The following CADM2 variants were observed in gnomAD, a reference collection of about 807,000 sequenced individuals.
CADM2 encodes cell adhesion molecule 2.
Under a neutral mutation model 49.8 loss-of-function variants are expected in CADM2, and 12 were observed. That is an observed-to-expected ratio of 0.24 (90% CI 0.15 to 0.39). The LOEUF is 0.39. Among genes scored for constraint, CADM2 ranks in the 10% least tolerant of loss-of-function variants. The pLI, the probability that CADM2 is intolerant of heterozygous loss-of-function variation, is 1.00. For missense variants in CADM2, 378 were observed against 492.3 expected (o/e 0.77, Z 2.20); for synonymous variants, 214 against 175.4 (o/e 1.22, Z -1.74).
chr3:85,152,929 A>G (rs2107649573), intron 1 of CADM2, among the ~76,000 whole-genome samples: 1 of 150,012 alleles, frequency 6.7e-6, no homozygotes, highest in Admixed American at 6.7e-5. Flanking sequence ...GCACCACTGC[A>G]CTCCAGCCTG....
chr3:84,983,941 A>G (rs1246011443), intron 1 of CADM2, among the ~76,000 whole-genome samples: 1 of 151,978 alleles, frequency 6.6e-6, no homozygotes, highest in African/African-American at 2.4e-5. Flanking sequence ...GGTGGACATT[A>G]TCAACTTCAA....
chr3:85,793,036 T>G (rs2071427217), intron 2 of CADM2, among the ~76,000 whole-genome samples: 1 of 151,928 alleles, frequency 6.6e-6, no homozygotes, highest in South Asian at 2.1e-4. Context: ...TCAACAGGAG[T>G]CAAGACTCAG....
intron 1 of CADM2, among the ~76,000 whole-genome samples, chr3:85,693,746 A>T (rs1340235517): frequency 4.2e-5 from 6 of 144,146 alleles, no homozygotes; most frequent in Admixed American, 6.9e-5. Context: ...AAAAAAAAAA[A>T]TTAGCCAGGT....
At chr3:85,924,379 C>T (rs1283927054) in intron 6 of CADM2, among the ~76,000 whole-genome samples, 2 of 151,934 alleles carry the variant, frequency 1.3e-5, no homozygotes, top group South Asian at 4.1e-4. Flanking sequence ...CACTTGAGCT[C>T]AGGAGTTTGA....
At chr3:85,929,086 T>A (rs1391765471) in intron 6 of CADM2, among the ~76,000 whole-genome samples, 1 of 152,116 alleles carries the variant, frequency 6.6e-6, no homozygotes, top group Non-Finnish European at 1.5e-5. Flanking sequence ...TCTAACCCCC[T>A]TTTAAACTAT....
At chr3:85,005,892 G>T (rs964250556) in intron 1 of CADM2, among the ~76,000 whole-genome samples, 13 of 152,078 alleles carry the variant, frequency 8.5e-5, no homozygotes, top group African/African-American at 2.9e-4. Context: ...ATTCAATTAT[G>T]ATTTTTCCAT....
intron 1 of CADM2, among the ~76,000 whole-genome samples, chr3:85,475,193 A>C (rs1343506952): frequency 6.6e-6 from 1 of 151,926 alleles, no homozygotes; most frequent in African/African-American, 2.4e-5. Context: ...TAATGTTGGA[A>C]TAGTGAGCAT....
At chr3:85,932,379 A>ACAT (rs1720712691) in intron 6 of CADM2, among the ~76,000 whole-genome samples, 1 of 152,206 alleles carries the variant, frequency 6.6e-6, no homozygotes, top group African/African-American at 2.4e-5. Context: ...TAGGTGTTGC[A>ACAT]CATAAATAAG....
At chr3:85,382,188 AC>A (rs2033945618) in intron 1 of CADM2, among the ~76,000 whole-genome samples, 1 of 152,188 alleles carries the variant, frequency 6.6e-6, no homozygotes, top group African/African-American at 2.4e-5. Flanking sequence ...AAGCAAAAAA[AC>A]ATAAACAGAA....
chr3:85,757,621 A>C (rs1216428522), intron 2 of CADM2, among the ~76,000 whole-genome samples: 1 of 152,190 alleles, frequency 6.6e-6, no homozygotes, highest in Non-Finnish European at 1.5e-5. Context: ...GTTGAGCCAG[A>C]TACTGAAGGG....
At chr3:85,370,350 A>G (rs905610779) in intron 1 of CADM2, among the ~76,000 whole-genome samples, 2 of 151,438 alleles carry the variant, frequency 1.3e-5, no homozygotes, top group African/African-American at 4.8e-5. Flanking sequence ...TGACCGCGGG[A>G]GGGGGAGGTG....
chr3:85,055,775 C>A (rs1194120108), intron 1 of CADM2, among the ~76,000 whole-genome samples: 1 of 151,928 alleles, frequency 6.6e-6, no homozygotes. Context: ...GAGTGAGACT[C>A]ATGGAGCACA....
chr3:85,756,375 T>G (rs2069122708), intron 2 of CADM2, among the ~76,000 whole-genome samples: 1 of 152,194 alleles, frequency 6.6e-6, no homozygotes. Flanking sequence ...TAATTCTGAT[T>G]ATTGAATCCA....
intron 1 of CADM2, among the ~76,000 whole-genome samples, chr3:85,586,664 T>C (rs2062954372): frequency 6.6e-6 from 1 of 152,148 alleles, no homozygotes; most frequent in Admixed American, 6.6e-5. Flanking sequence ...ATCTGTTAGG[T>C]TGGTGCAAAA....
Position 85,058,388 on chromosome 3 carries a change from A to G in CADM2, c.61+98720A>G, listed in dbSNP as rs528625053. On this transcript the variant is annotated intron_variant, in intron 1 of 9. Transcript: ENST00000383699. ...GTGCACATAGGCAACAAATTTTGAG[A>G]TCTCTTTGATATGTGAATTTTTGTT... is the stretch of plus-strand genomic sequence containing the variant. Among the ~76,000 whole-genome samples, 9 of 152,174 alleles carry G rather than the reference A, an allele frequency of 5.9e-5. No individual in the cohort carries two copies. In the East Asian group the frequency reaches 1.7e-3, roughly 29 times the overall value.
intron 1 of CADM2, among the ~76,000 whole-genome samples, chr3:85,369,979 A>G (rs1282983973): frequency 6.6e-6 from 1 of 152,002 alleles, no homozygotes; most frequent in Non-Finnish European, 1.5e-5. Flanking sequence ...ATTAAAAAAA[A>G]CAGCAAAATC....
chr3:85,520,157 A>G (rs547623174), intron 1 of CADM2, among the ~76,000 whole-genome samples: 1 of 152,008 alleles, frequency 6.6e-6, no homozygotes, highest in Non-Finnish European at 1.5e-5. Flanking sequence ...GTAAACTTCA[A>G]CTCTTTCGTT....
chr3:85,703,521 A>G (rs537800292), intron 1 of CADM2, among the ~76,000 whole-genome samples: 1 of 152,276 alleles, frequency 6.6e-6, no homozygotes, highest in East Asian at 1.9e-4. Flanking sequence ...GGAGTGAAGG[A>G]TCATAACCGT....
At chr3:85,666,948 A>T (rs2065589030) in intron 1 of CADM2, among the ~76,000 whole-genome samples, 1 of 152,066 alleles carries the variant, frequency 6.6e-6, no homozygotes, top group Non-Finnish European at 1.5e-5. Flanking sequence ...CTCTAAAATT[A>T]TATTTTTCCG....
Sources: allele counts gnomAD v4.1 joint callset (sites outside exome capture counted in the v4.1 genomes callset), GRCh38; gene constraint gnomAD v4.1.1; transcripts MANE v1.5; gene names NCBI Gene and HGNC (gene_info 2026-07-23, HGNC 2026-07-21).